The following TMEM117 variants were observed in gnomAD, a reference collection of about 807,000 sequenced individuals.
TMEM117 encodes transmembrane protein 117.
Under a neutral mutation model 52.4 loss-of-function variants are expected in TMEM117, and 27 were observed. The ratio of observed to expected loss-of-function variants is 0.51; its 90% CI spans 0.38 to 0.71. The LOEUF (loss-of-function observed/expected upper bound fraction) is 0.71, where lower values mean the gene tolerates loss of function less well. TMEM117 is among the 30% of genes least tolerant of loss of function. The pLI is 0.00. For synonymous variants in TMEM117, 215 were observed against 206.3 expected (o/e 1.04, Z -0.36); for missense variants, 556 against 630.5 (o/e 0.88, Z 1.26).
chr12:44,147,872 C>T (rs1398921148), intron 4 of TMEM117, among the ~76,000 whole-genome samples: 1 of 148,208 alleles, frequency 6.7e-6, no homozygotes. Context: ...GCGGAGGTTG[C>T]AGTAAGCTGA....
chr12:44,097,127 C>T (rs1476859989), intron 3 of TMEM117, among the ~76,000 whole-genome samples: 2 of 152,204 alleles, frequency 1.3e-5, no homozygotes, highest in African/African-American at 2.4e-5. Flanking sequence ...CTCATCATCA[C>T]TGGCCATCAG....
At chr12:44,122,503 A>G (rs1001972066) in intron 3 of TMEM117, among the ~76,000 whole-genome samples, 6 of 152,134 alleles carry the variant, frequency 3.9e-5, no homozygotes, top group African/African-American at 1.4e-4. Flanking sequence ...AGATCATCCC[A>G]TCACTCAGAT....
chr12:44,121,761 G>A (rs936151063), intron 3 of TMEM117, among the ~76,000 whole-genome samples: 2 of 152,122 alleles, frequency 1.3e-5, no homozygotes, highest in Non-Finnish European at 2.9e-5. Context: ...GTATGGGTAA[G>A]TTGTGTGTTG....
chr12:44,276,593 C>T (rs1031278088), intron 5 of TMEM117, among the ~76,000 whole-genome samples: 2 of 151,992 alleles, frequency 1.3e-5, no homozygotes, highest in African/African-American at 2.4e-5. Flanking sequence ...TAGTTAATAA[C>T]ACTATGTTGT....
chr12:44,344,837 T>A (rs1332131545), intron 6 of TMEM117, among the ~76,000 whole-genome samples: 1 of 151,948 alleles, frequency 6.6e-6, no homozygotes, highest in Non-Finnish European at 1.5e-5. Flanking sequence ...ATAGAGGAGA[T>A]CCTGGATAGG....
chr12:43,873,886 G>C lies in TMEM117; in HGVS notation c.277+28958G>C, dbSNP rs566593665. Among the ~76,000 whole-genome samples the C allele has an allele frequency of 5.9e-5, 9 of 151,870 alleles. No individual in the cohort carries two copies. The South Asian group carries it at 1.9e-3, about 32-fold the overall frequency. On this transcript the variant is annotated intron_variant, in intron 2 of 7. Transcript: ENST00000266534. ...ACCTTAAAGCTATCTGCATATACTTGTTTTCTCTTTCATTTCTTTTATTCT... is the reference window on the plus strand; with the variant it reads ...ACCTTAAAGCTATCTGCATATACTTCTTTTCTCTTTCATTTCTTTTATTCT...
intron 2 of TMEM117, among the ~76,000 whole-genome samples, chr12:43,940,634 C>T (rs1428328096): frequency 2.6e-5 from 4 of 152,096 alleles, no homozygotes; most frequent in East Asian, 1.9e-4. Flanking sequence ...CTCCAACTCC[C>T]GGGTTCAAGT....
At chr12:43,829,611 A>G in the TMEM117 span, among the ~76,000 whole-genome samples, 1 of 152,198 alleles carries the variant, frequency 6.6e-6, no homozygotes, top group East Asian at 1.9e-4. Flanking sequence ...AAAGAAAAAG[A>G]TCATTTGTTT....
At chr12:44,273,731 T>C (rs185375031) in intron 5 of TMEM117, among the ~76,000 whole-genome samples, 79 of 152,250 alleles carry the variant, frequency 5.2e-4, no homozygotes, top group Admixed American at 1.2e-3. Flanking sequence ...ATCATTTCAA[T>C]TGATGCTGAA....
At chr12:44,196,583 A>T (rs1263103917) in intron 4 of TMEM117, among the ~76,000 whole-genome samples, 2 of 152,182 alleles carry the variant, frequency 1.3e-5, no homozygotes, top group African/African-American at 4.8e-5. Context: ...TAATCTTAAA[A>T]ATATGTCCTA....
chr12:43,988,060 T>A (rs1001074905), intron 3 of TMEM117, among the ~76,000 whole-genome samples: 10 of 152,090 alleles, frequency 6.6e-5, no homozygotes, highest in African/African-American at 2.4e-4. Flanking sequence ...TTGGTTGAAA[T>A]GCCTTTAGAA....
At chr12:43,873,778 A>G (rs550039839) in intron 2 of TMEM117, among the ~76,000 whole-genome samples, 2 of 151,896 alleles carry the variant, frequency 1.3e-5, no homozygotes, top group Non-Finnish European at 2.9e-5. Context: ...GCCTTTTACC[A>G]AGAAGGTTCT....
chr12:44,149,399 A>C (rs1404684702), intron 4 of TMEM117, among the ~76,000 whole-genome samples: 2 of 152,226 alleles, frequency 1.3e-5, no homozygotes, highest in African/African-American at 4.8e-5. Context: ...ACAACTCTAG[A>C]ACAGAATAGA....
intron 2 of TMEM117, among the ~76,000 whole-genome samples, chr12:43,907,137 A>C: frequency 6.6e-6 from 1 of 152,194 alleles, no homozygotes; most frequent in East Asian, 1.9e-4. Flanking sequence ...CCCAGCACGC[A>C]GCTGGAGATC....
chr12:44,121,459 G>A (rs1480687873), intron 3 of TMEM117, among the ~76,000 whole-genome samples: 6 of 152,090 alleles, frequency 3.9e-5, no homozygotes, highest in South Asian at 2.1e-4. Flanking sequence ...TAAAGATGAC[G>A]GGGATGAAGA....
chr12:44,231,915 C>A (rs1317019715), intron 5 of TMEM117, among the ~76,000 whole-genome samples: 1 of 151,596 alleles, frequency 6.6e-6, no homozygotes, highest in African/African-American at 2.4e-5. Context: ...AACTTTGATG[C>A]AAAATTGTCT....
chr12:43,856,467 A>C (rs983309662), intron 2 of TMEM117, among the ~76,000 whole-genome samples: 1 of 152,194 alleles, frequency 6.6e-6, no homozygotes, highest in Non-Finnish European at 1.5e-5. Flanking sequence ...TGGCATAAGG[A>C]ATTTAAAAAA....
intron 3 of TMEM117, among the ~76,000 whole-genome samples, chr12:44,093,225 C>G (rs542067387): frequency 1.3e-5 from 2 of 152,106 alleles, no homozygotes; most frequent in East Asian, 1.9e-4. Flanking sequence ...AATAACATGC[C>G]AGAATTACTA....
upstream of TMEM117, among the ~76,000 whole-genome samples, chr12:43,831,528 C>T (rs1409939510): frequency 6.7e-6 from 1 of 148,658 alleles, no homozygotes; most frequent in African/African-American, 2.5e-5. Flanking sequence ...AACATCATGT[C>T]TCATGTGGTT....
Sources: gnomAD v4.1 joint callset for allele counts (sites outside exome capture counted in the v4.1 genomes callset) on GRCh38, gnomAD v4.1.1 for gene constraint, MANE v1.5 for transcripts, NCBI Gene and HGNC (gene_info 2026-07-23, HGNC 2026-07-21) for gene names.